GPM6A: variants seen among roughly 807,000 people sequenced by gnomAD.
GPM6A encodes the protein glycoprotein M6A.
In GPM6A, 7 loss-of-function variants were observed where a neutral mutation model predicts 32.1. The observed-to-expected ratio is 0.22, with a 90% CI of 0.12 to 0.41. The LOEUF (loss-of-function observed/expected upper bound fraction) is 0.41. GPM6A is among the 10% of genes least tolerant of loss of function. The pLI is 1.00. For missense variants in GPM6A, 235 were observed against 347.2 expected (o/e 0.68, Z 2.57); for synonymous variants, 130 against 123.4 (o/e 1.05, Z -0.35).
chr4:175,718,623 AT>A (rs1349987268), intron 1 of GPM6A, among the ~76,000 whole-genome samples: 8 of 151,862 alleles, frequency 5.3e-5, no homozygotes, highest in East Asian at 1.9e-4. Flanking sequence ...CGAAAAAAAA[AT>A]ATAATGAAAT....
At chr4:175,707,161 A>G (rs1745240115) in intron 1 of GPM6A, among the ~76,000 whole-genome samples, 1 of 152,226 alleles carries the variant, frequency 6.6e-6, no homozygotes, top group Non-Finnish European at 1.5e-5. Flanking sequence ...TGCTCTGTCT[A>G]TGGAATAGCC....
At chr4:175,905,503 C>G (rs1738101689) in intron 1 of GPM6A, among the ~76,000 whole-genome samples, 1 of 152,022 alleles carries the variant, frequency 6.6e-6, no homozygotes, top group African/African-American at 2.4e-5. Flanking sequence ...CCCTGGAGAT[C>G]ATCTCTGGTG....
intron 1 of GPM6A, among the ~76,000 whole-genome samples, chr4:175,825,771 T>G (rs1735413901): frequency 6.6e-6 from 1 of 152,222 alleles, no homozygotes; most frequent in Admixed American, 6.5e-5. Flanking sequence ...TGGTCTTGAA[T>G]GTGCTTTTTG....
chr4:175,659,075 T>G (rs1742250990), intron 3 of GPM6A, among the ~76,000 whole-genome samples: 2 of 150,900 alleles, frequency 1.3e-5, no homozygotes, highest in South Asian at 4.2e-4. Context: ...ATTGTTTTTG[T>G]TTTTGTTTTC....
At chr4:175,772,876 T>C (rs1363136784) in intron 1 of GPM6A, among the ~76,000 whole-genome samples, 1 of 152,060 alleles carries the variant, frequency 6.6e-6, no homozygotes, top group Non-Finnish European at 1.5e-5. Context: ...GCAGGGCAAG[T>C]CCAATCAATA....
At chr4:175,803,798 C>T (rs1734572605) in intron 1 of GPM6A, among the ~76,000 whole-genome samples, 2 of 151,926 alleles carry the variant, frequency 1.3e-5, no homozygotes, top group African/African-American at 4.8e-5. Context: ...AACTCCTGGC[C>T]CTTATACATA....
At position 175,711,948 on chromosome 4, in the gene GPM6A, T is replaced by C. The variant is rs113717590; in HGVS notation, c.38-10181A>G. Among the ~76,000 whole-genome samples the C allele has an allele frequency of 2.9e-3, 438 of 152,224 alleles. 1 individual carries two copies. Among genetic ancestry groups the C allele is most frequent in the Non-Finnish European group, 4.9e-3 (333 of 68,004 alleles). The stretch of plus-strand genomic sequence containing the variant: ...TCCTACAATAAATAGATGCTCTAAA[T>C]AGGCAACTGCAATAAAATTAAAAGC... On this transcript the variant is annotated intron_variant, in intron 1 of 6. Coordinates refer to ENST00000393658, the MANE Select transcript of GPM6A (RefSeq NM_201591.3).
At chr4:175,999,917 T>A (rs767710680) in intron 1 of GPM6A, among the ~76,000 whole-genome samples, 1 of 152,164 alleles carries the variant, frequency 6.6e-6, no homozygotes, top group Non-Finnish European at 1.5e-5. Context: ...TTATTTTTCA[T>A]AAGTAAATTA....
At chr4:175,788,865 G>A (rs1450720366) in intron 1 of GPM6A, among the ~76,000 whole-genome samples, 5 of 152,042 alleles carry the variant, frequency 3.3e-5, no homozygotes, top group Non-Finnish European at 1.5e-5. Flanking sequence ...AACAAAAACT[G>A]GTTCATAATG....
At chr4:175,884,351 T>C (rs1737382261) in intron 1 of GPM6A, among the ~76,000 whole-genome samples, 1 of 152,232 alleles carries the variant, frequency 6.6e-6, no homozygotes, top group Non-Finnish European at 1.5e-5. Context: ...TGAACAGTTT[T>C]AGCAACTATA....
intron 3 of GPM6A, among the ~76,000 whole-genome samples, chr4:175,663,824 G>T (rs1363141213): frequency 6.6e-6 from 1 of 151,346 alleles, no homozygotes; most frequent in Non-Finnish European, 1.5e-5. Context: ...CTCCCAAGTA[G>T]CTGGGACTAC....
intron 1 of GPM6A, among the ~76,000 whole-genome samples, chr4:175,997,133 T>G (rs1018073734): frequency 6.6e-6 from 1 of 152,176 alleles, no homozygotes; most frequent in Non-Finnish European, 1.5e-5. Flanking sequence ...TTCAGATGGC[T>G]GAATCCCCTG....
intron 2 of GPM6A, among the ~76,000 whole-genome samples, chr4:175,691,608 T>C (rs945161951): frequency 6.6e-6 from 1 of 152,226 alleles, no homozygotes; most frequent in Non-Finnish European, 1.5e-5. Context: ...ATGTTTAGGA[T>C]ATGACACATT....
At chr4:175,776,249 A>T (rs1223881372) in intron 1 of GPM6A, among the ~76,000 whole-genome samples, 1 of 152,172 alleles carries the variant, frequency 6.6e-6, no homozygotes, top group Admixed American at 6.6e-5. Context: ...TCCCATTTTT[A>T]ACTGACTTAC....
chr4:175,980,422 T>C (rs1740787034), intron 1 of GPM6A, among the ~76,000 whole-genome samples: 1 of 152,172 alleles, frequency 6.6e-6, no homozygotes, highest in Admixed American at 6.5e-5. Flanking sequence ...TTTAAAGTTG[T>C]TTTGAATGTA....
At chr4:175,945,251 C>T (rs1025665419) in intron 1 of GPM6A, among the ~76,000 whole-genome samples, 8 of 152,166 alleles carry the variant, frequency 5.3e-5, no homozygotes, top group South Asian at 2.1e-4. Context: ...AGAAACTGCA[C>T]GTATCACTAG....
At position 175,729,909 on chromosome 4, in the gene GPM6A, A is replaced by AAT. The variant is rs201172135; in HGVS notation, c.38-28144_38-28143dup. Among the ~76,000 whole-genome samples the AAT allele has an allele frequency of 6.6e-3, 970 of 146,734 alleles. 10 individuals are homozygous for AAT. The highest frequency in any genetic ancestry group is 0.023 in the African/African-American group (919 of 40,266). ...TATATATTAATATATGTATTCAAATAATATATATATTATTTAATATAAATT... is the reference window on the plus strand; with the variant it reads ...TATATATTAATATATGTATTCAAATAATATATATATATTATTTAATATAAATT... On this transcript the variant is annotated intron_variant, in intron 1 of 6. Coordinates refer to ENST00000393658, the MANE Select transcript of GPM6A (RefSeq NM_201591.3).
At chr4:175,809,470 C>A (rs949032805) in intron 1 of GPM6A, among the ~76,000 whole-genome samples, 1 of 151,264 alleles carries the variant, frequency 6.6e-6, no homozygotes, top group African/African-American at 2.4e-5. Flanking sequence ...CATGTTTTAC[C>A]AAAAAATATG....
intron 1 of GPM6A, among the ~76,000 whole-genome samples, chr4:175,880,482 T>A (rs959015889): frequency 3.9e-5 from 6 of 152,190 alleles, no homozygotes; most frequent in African/African-American, 1.4e-4. Context: ...TTGGGCAGTA[T>A]GGTCATTTTC....
Sources: gnomAD v4.1 joint callset for allele counts (sites outside exome capture counted in the v4.1 genomes callset) on GRCh38, gnomAD v4.1.1 for gene constraint, MANE v1.5 for transcripts, NCBI Gene and HGNC (gene_info 2026-07-23, HGNC 2026-07-21) for gene names.